Variants in NLN observed in about 807,000 individuals in gnomAD.
NLN encodes neurolysin.
NLN carries 64 observed loss-of-function variants against 79.9 expected under a neutral mutation model. The observed-to-expected ratio is 0.80, with a 90% CI of 0.65 to 0.99. NLN has a LOEUF of 0.99. Among genes scored for constraint, NLN ranks in the 50% least tolerant of loss-of-function variants. The pLI, the probability that NLN is intolerant of heterozygous loss-of-function variation, is 0.00. For synonymous variants in NLN, 267 were observed against 296.6 expected, an observed-to-expected ratio of 0.90 and a Z score of 1.02; for missense variants, 835 against 858.7, an observed-to-expected ratio of 0.97 and a Z score of 0.34.
At chr5:65,785,605 CA>C (rs111882029) in intron 6 of NLN, among the ~76,000 whole-genome samples, 169 bp from the exon 7 acceptor site, 7,363 of 76,842 alleles carry the variant, frequency 0.096, 231 homozygotes, top group African/African-American at 0.14. Flanking sequence ...ATCATGAATC[CA>C]AAAAAAAAAA....
intron 8 of NLN, among the ~76,000 whole-genome samples, chr5:65,789,591 A>T (rs1760011959): frequency 6.6e-6 from 1 of 152,176 alleles, no homozygotes; most frequent in Non-Finnish European, 1.5e-5. Flanking sequence ...AGCCTGGCCA[A>T]TATGGTGAAA....
chr5:65,738,285 T>G (rs1467938237), intron 1 of NLN, among the ~76,000 whole-genome samples: 1 of 150,040 alleles, frequency 6.7e-6, no homozygotes, highest in Non-Finnish European at 1.5e-5. Context: ...ACTTCCAGGA[T>G]AAAAAGGAGG....
In NLN at chr5:65,792,544, C is replaced by T. The variant is rs1760086503; in HGVS notation, c.1416C>T (p.Leu472=). ...DGSRMMAVAA[L]VVNFSQPVAG... ...GCCGGATGATGGCAGTGGCTGCCCT[C>T]GTGGTGAACTTCTCACAGCCAGTGG... The change falls in exon 9 of 13, where the codon CTC becomes CTT. Residue 472 remains leucine (L), a synonymous_variant. Transcript: ENST00000380985. The T allele has an allele frequency of 3.1e-6, 5 of 1,613,720 alleles. No homozygotes were observed. The highest frequency in any genetic ancestry group is 1.6e-4 in the Middle Eastern group (1 of 6,084).
intron 1 of NLN, among the ~76,000 whole-genome samples, chr5:65,757,266 T>A (rs1239507135): frequency 1.3e-5 from 2 of 152,150 alleles, no homozygotes; most frequent in Non-Finnish European, 2.9e-5. Context: ...CTACCTACCT[T>A]ATAAGGTTGT....
At chr5:65,734,867 ATTC>A (rs1406678138) in intron 1 of NLN, among the ~76,000 whole-genome samples, 1 of 152,236 alleles carries the variant, frequency 6.6e-6, no homozygotes, top group Non-Finnish European at 1.5e-5. Context: ...TCTCATAGGA[ATTC>A]TTTTTAAGGT....
intron 8 of NLN, among the ~76,000 whole-genome samples, chr5:65,791,714 C>A (rs1187251811): frequency 6.6e-6 from 1 of 150,862 alleles, no homozygotes; most frequent in Non-Finnish European, 1.5e-5. Flanking sequence ...CAGAGCAAGA[C>A]TCTGTCTCAA....
In NLN at chr5:65,823,016, G is replaced by T; in HGVS notation, c.*101G>T. The T allele has an allele frequency of 1.2e-6, 1 of 846,720 alleles. No homozygotes were observed. The highest frequency in any genetic ancestry group is 1.9e-6 in the Non-Finnish European group (1 of 528,884). The allele number at this position is 846,720 out of a possible 1,614,324, so 52.5% of individuals were successfully genotyped here. On this transcript the variant is annotated 3_prime_UTR_variant, in exon 13 of 13. Transcript: ENST00000380985. The stretch of plus-strand genomic sequence containing the variant: ...AGGGAGTTTTGCAAGTGAAAATTTA[G>T]ATTTCTATTGACATCCTTTTGTTTT...
chr5:65,778,322 T>A (rs1561197669), intron 4 of NLN, among the ~76,000 whole-genome samples: 1 of 152,240 alleles, frequency 6.6e-6, no homozygotes. Context: ...ACTCCATGAT[T>A]TATTTCCAGG....
intron 1 of NLN, among the ~76,000 whole-genome samples, chr5:65,738,949 G>A (rs1466810114): frequency 0.074 from 6,695 of 90,606 alleles, 593 homozygotes; most frequent in Non-Finnish European, 0.082. Flanking sequence ...TTTTATATAT[G>A]TTTATATATA....
intron 4 of NLN, among the ~76,000 whole-genome samples, chr5:65,778,130 T>G (rs1286367355): frequency 2.0e-5 from 3 of 152,178 alleles, no homozygotes; most frequent in Non-Finnish European, 4.4e-5. Flanking sequence ...ATGGAGAGTT[T>G]TAAAACCAGC....
At chr5:65,813,892 T>C (rs942264606) in intron 12 of NLN, among the ~76,000 whole-genome samples, 1 of 151,616 alleles carries the variant, frequency 6.6e-6, no homozygotes, top group African/African-American at 2.4e-5. Flanking sequence ...ATCATGCTAC[T>C]ACACTCCAGC....
chr5:65,747,724 C>T (rs889142349), intron 1 of NLN, among the ~76,000 whole-genome samples: 9 of 152,214 alleles, frequency 5.9e-5, no homozygotes, highest in African/African-American at 1.9e-4. Flanking sequence ...AGTTCACCCT[C>T]AGGAAAATGG....
chr5:65,770,966 TTGTC>T (rs1759553851), intron 3 of NLN, among the ~76,000 whole-genome samples: 1 of 152,174 alleles, frequency 6.6e-6, no homozygotes, highest in Admixed American at 6.5e-5. Context: ...GAAAAAATGT[TTGTC>T]ACAAAATTCA....
intron 3 of NLN, among the ~76,000 whole-genome samples, chr5:65,776,114 G>T (rs942724689): frequency 5.3e-5 from 8 of 152,208 alleles, no homozygotes; most frequent in East Asian, 1.9e-4. Context: ...TTAGCTGGAC[G>T]TGGTGGCACA....
At chr5:65,808,868 G>A (rs964431092) in intron 9 of NLN, among the ~76,000 whole-genome samples, 2 of 152,130 alleles carry the variant, frequency 1.3e-5, no homozygotes, top group Non-Finnish European at 2.9e-5. Context: ...AATCTGAGAG[G>A]TAGAAATCTG....
Position 65,744,732 on chromosome 5 carries a change from C to T in NLN, c.42-13835C>T, listed in dbSNP as rs975576411. Reference sequence around the variant, plus strand: ...TGGCCAACATGGTGAAACCTTGTCTCGACTAAAAATACAAAAATTTGTATT... The same window carrying T: ...TGGCCAACATGGTGAAACCTTGTCTTGACTAAAAATACAAAAATTTGTATT... On this transcript the variant is annotated intron_variant, in intron 1 of 12. Transcript: ENST00000380985. Among the ~76,000 whole-genome samples the T allele has an allele frequency of 2.0e-5, 3 of 152,098 alleles. No homozygotes were observed. The South Asian group carries it at 6.2e-4, about 32-fold the overall frequency.
At chr5:65,822,699 C>T (rs1561217219) in intron 12 of NLN, 82 bp from the exon 13 acceptor site, 1 of 1,037,232 alleles carries the variant, frequency 9.6e-7, no homozygotes, top group African/African-American at 1.6e-5. Context: ...TCCTTCACCC[C>T]TACCCTCTCC....
chr5:65,814,769 C>CA (rs1053510564), intron 12 of NLN, among the ~76,000 whole-genome samples: 12 of 150,968 alleles, frequency 7.9e-5, no homozygotes, highest in South Asian at 2.1e-4. Flanking sequence ...AGAAAAAAGA[C>CA]AAAAAAAAGT....
In NLN at chr5:65,727,676, A is replaced by C. The variant is rs187261489; in HGVS notation, c.41+5262A>C. On this transcript the variant is annotated intron_variant, in intron 1 of 12. Coordinates refer to ENST00000380985, the MANE Select transcript of NLN (RefSeq NM_020726.5). ...GATGAGTGACATGGTCAAAGAAACA[A>C]ACGAGAAGGTTGACTCAACAATATT... Among the ~76,000 whole-genome samples, 324 of 152,348 alleles carry C rather than the reference A, an allele frequency of 2.1e-3. 3 individuals carry two copies. Among genetic ancestry groups the C allele is most frequent in the African/African-American group, 7.7e-3 (320 of 41,586 alleles).
Sources: gnomAD v4.1 joint callset for allele counts (sites outside exome capture counted in the v4.1 genomes callset) on GRCh38, gnomAD v4.1.1 for gene constraint, MANE v1.5 for transcripts, NCBI Gene and HGNC (gene_info 2026-07-23, HGNC 2026-07-21) for gene names.